Variants in COL4A6 observed in about 807,000 individuals in gnomAD.
COL4A6 encodes the protein collagen type IV alpha 6 chain, also known as collagen alpha-6(IV) chain.
COL4A6 carries 59 observed loss-of-function variants against 126.7 expected under a neutral mutation model. The ratio of observed to expected loss-of-function variants is 0.47; its 90% CI spans 0.38 to 0.58. COL4A6 has a LOEUF of 0.58. COL4A6 is among the 20% of genes least tolerant of loss of function. The pLI, the probability that COL4A6 is intolerant of heterozygous loss-of-function variation, is 0.00. For synonymous variants in COL4A6, 547 were observed against 496.6 expected, an observed-to-expected ratio of 1.10 and a Z score of -1.35; for missense variants, 1,285 against 1,337.3, an observed-to-expected ratio of 0.96 and a Z score of 0.61.
intron 8 of COL4A6, among the ~76,000 whole-genome samples, chrX:108,208,435 C>T (rs1187313784): frequency 1.8e-5 from 2 of 111,874 alleles, no homozygotes; most frequent in African/African-American, 6.5e-5. Flanking sequence ...GTATGCTGGA[C>T]CATAAAATAA....
At chrX:108,320,908 A>C (rs1230803252) in intron 2 of COL4A6, among the ~76,000 whole-genome samples, 1 of 112,012 alleles carries the variant, frequency 8.9e-6, no homozygotes, top group Non-Finnish European at 1.9e-5. Context: ...ACACGTATGC[A>C]ACATTACAAT....
At chrX:108,376,372 A>G (rs1422483870) in intron 2 of COL4A6, among the ~76,000 whole-genome samples, 2 of 110,281 alleles carry the variant, frequency 1.8e-5, no homozygotes. Context: ...AGGTGGATGG[A>G]TCATTTGAGA....
intron 2 of COL4A6, among the ~76,000 whole-genome samples, chrX:108,434,967 G>A (rs1193335917): frequency 9.1e-6 from 1 of 110,243 alleles, no homozygotes; most frequent in Non-Finnish European, 1.9e-5. Context: ...CGTCTCCATC[G>A]CTGAACTCCC....
intron 2 of COL4A6, among the ~76,000 whole-genome samples, chrX:108,431,237 A>T (rs776787448): frequency 8.9e-6 from 1 of 112,131 alleles, no homozygotes; most frequent in Non-Finnish European, 1.9e-5. Flanking sequence ...AATTAATAGC[A>T]TAAATAAAAA....
At chrX:108,338,331 G>A (rs1325603529) in intron 2 of COL4A6, among the ~76,000 whole-genome samples, 1 of 112,165 alleles carries the variant, frequency 8.9e-6, no homozygotes, top group Non-Finnish European at 1.9e-5. Context: ...CTTGTGCCTA[G>A]GCATAGGGAT....
Position 108,188,035 on chromosome X carries a change from A to G in COL4A6, c.1588-8T>C. 2 of 1,178,608 alleles carry G rather than the reference A, an allele frequency of 1.7e-6. No homozygotes were observed. Among genetic ancestry groups the G allele is most frequent in the Non-Finnish European group, 2.3e-6 (2 of 872,680 alleles). ...CAGAGGCCCAACTAAGCCCTGACAA[A>G]GAAAAGAGAGAAGAGGGAGTAGTCA... On this transcript the variant is annotated splice_polypyrimidine_tract_variant and splice_region_variant and intron_variant, in intron 21 of 44. Transcript: ENST00000334504.
rs1169553991 is a variant in COL4A6 at position 108,175,757 on chromosome X, T to TTAA, written c.2726_2727insTTA (p.Ile909_Pro910insTer). The TTAA allele has an allele frequency of 8.4e-7, 1 of 1,194,718 alleles. No homozygotes were observed. ...TTCCAGGAATACCAGGCAGACCTGG[T>TTAA]ATTCCTGGAAAACCTACGAATCCAA... is the stretch of plus-strand genomic sequence containing the variant. On this transcript the variant is annotated stop_gained and inframe_insertion, in exon 29 of 45. Transcript: ENST00000334504. LOFTEE classifies it high-confidence loss of function.
intron 3 of COL4A6, among the ~76,000 whole-genome samples, chrX:108,287,618 T>C (rs2038043908): frequency 8.9e-6 from 1 of 111,857 alleles, no homozygotes; most frequent in Non-Finnish European, 1.9e-5. Context: ...ATATGATCTC[T>C]GAGGATTGTT....
chrX:108,227,522 G>A (rs1211714795), intron 3 of COL4A6, among the ~76,000 whole-genome samples: 1 of 109,615 alleles, frequency 9.1e-6, no homozygotes, highest in Admixed American at 9.7e-5. Flanking sequence ...GGTTCAGTCT[G>A]GAAAGCTGGG....
intron 3 of COL4A6, among the ~76,000 whole-genome samples, chrX:108,296,354 C>G (rs1478102498): frequency 8.9e-6 from 1 of 111,845 alleles, no homozygotes; most frequent in Non-Finnish European, 1.9e-5. Flanking sequence ...AATTGCTACT[C>G]CTTCCCTTTC....
intron 2 of COL4A6, among the ~76,000 whole-genome samples, chrX:108,322,505 G>A (rs965941040): frequency 9.8e-5 from 11 of 112,264 alleles, no homozygotes; most frequent in Non-Finnish European, 1.7e-4. Context: ...AAGAGGAACA[G>A]GCATGCCAGG....
rs1030693100 is a variant in COL4A6 at position 108,175,809 on chromosome X, C to T, written c.2687-12G>A. On this transcript the variant is annotated splice_polypyrimidine_tract_variant and intron_variant, in intron 28 of 44. Coordinates refer to ENST00000334504, the MANE Select transcript of COL4A6 (RefSeq NM_033641.4). ...AGACCCCTTCTCTCCTGTTGAAAAA[C>T]AAGAACTTTTATTATCACTCCCATT... 2 of 1,183,393 alleles carry T rather than the reference C, an allele frequency of 1.7e-6. No homozygotes were observed. The highest frequency in any genetic ancestry group is 2.3e-6 in the Non-Finnish European group (2 of 883,630).
intron 2 of COL4A6, among the ~76,000 whole-genome samples, chrX:108,419,226 A>T (rs933420585): frequency 8.9e-6 from 1 of 112,389 alleles, no homozygotes; most frequent in Non-Finnish European, 1.9e-5. Flanking sequence ...ACATTGCCTG[A>T]CATTCTAAAT....
intron 3 of COL4A6, among the ~76,000 whole-genome samples, chrX:108,247,309 G>A (rs1318423661): frequency 8.9e-6 from 1 of 111,911 alleles, no homozygotes; most frequent in Non-Finnish European, 1.9e-5. Context: ...ATGATAATGA[G>A]GATTAACAGC....
In COL4A6 at chrX:108,180,449, AC is replaced by A. The variant is rs1314770814; in HGVS notation, c.2131+65del. On this transcript the variant is annotated intron_variant, in intron 25 of 44. Transcript: ENST00000334504. The stretch of plus-strand genomic sequence containing the variant: ...GAGGACTACCACAACCCAAATACAC[AC>A]ACACACACACACACACACACATACA... 7 of 321,903 alleles carry A rather than the reference AC, an allele frequency of 2.2e-5. No homozygotes were observed. In the East Asian group the frequency reaches 3.5e-4, roughly 16 times the overall value. 26.5% of individuals were successfully genotyped at this position (321,903 alleles called of 1,213,427 possible).
Position 108,221,303 on chromosome X carries a change from C to T in COL4A6, c.216G>A (p.Ser72=), listed in dbSNP as rs1266720055. Residue 72 remains serine (S), a synonymous_variant, in exon 4 of 45, where the codon TCG becomes TCA. Transcript: ENST00000334504. ...PQGFTGSTGL[S]GLKGERGFPG... ...GGAAACCCCTTTCTCCTTTCAATCC[C>T]GATAAACCAGTAGAGCCAGTGAATC... 5 of 1,211,536 alleles carry T rather than the reference C, an allele frequency of 4.1e-6. No homozygotes were observed. The highest frequency in any genetic ancestry group is 5.9e-5 in the East Asian group (2 of 33,831).
chrX:108,346,714 C>A (rs1037688096), intron 2 of COL4A6, among the ~76,000 whole-genome samples: 7 of 112,290 alleles, frequency 6.2e-5, no homozygotes, highest in Admixed American at 9.4e-5. Flanking sequence ...GTCAAAGCCA[C>A]CAAACTTCTA....
chrX:108,217,357 T>G (rs1363210544), intron 5 of COL4A6, among the ~76,000 whole-genome samples: 1 of 111,671 alleles, frequency 9.0e-6, no homozygotes, highest in Non-Finnish European at 1.9e-5. Context: ...TTGAACAAAA[T>G]AATCAGTCTG....
At chrX:108,410,183 G>A (rs927754373) in intron 2 of COL4A6, among the ~76,000 whole-genome samples, 44 of 111,132 alleles carry the variant, frequency 4.0e-4, no homozygotes, top group African/African-American at 1.4e-3. Flanking sequence ...AGAAGCCAGA[G>A]GAAAACATGA....
Sources: gnomAD v4.1 joint callset for allele counts (sites outside exome capture counted in the v4.1 genomes callset) on GRCh38, gnomAD v4.1.1 for gene constraint, MANE v1.5 for transcripts, NCBI Gene and HGNC (gene_info 2026-07-23, HGNC 2026-07-21) for gene names.